Variants in ZNF516 observed in about 807,000 individuals in gnomAD.
ZNF516 encodes zinc finger protein 516.
In ZNF516, 19 loss-of-function variants were observed where a neutral mutation model predicts 79.7. The ratio of observed to expected loss-of-function variants is 0.24; its 90% confidence interval spans 0.17 to 0.35. ZNF516 has a LOEUF of 0.35. Among genes scored for constraint, ZNF516 ranks in the 10% least tolerant of loss-of-function variants. The pLI is 1.00. For missense variants in ZNF516, 1,678 were observed against 1,679.5 expected, an observed-to-expected ratio of 1.00 and a Z score of 0.02; for synonymous variants, 877 against 739.5, an observed-to-expected ratio of 1.19 and a Z score of -3.02.
At chr18:76,466,889 C>T (rs943384977) in intron 1 of ZNF516, among the ~76,000 whole-genome samples, 7 of 152,194 alleles carry the variant, frequency 4.6e-5, no homozygotes, top group South Asian at 2.1e-4. Flanking sequence ...GGTGATGCCA[C>T]GGGCGGTGAA....
chr18:76,479,683 G>T (rs1247831178), intron 1 of ZNF516, among the ~76,000 whole-genome samples: 1 of 152,238 alleles, frequency 6.6e-6, no homozygotes, highest in South Asian at 2.1e-4. Context: ...TGCACCAGTG[G>T]AGACCTGGGT....
intron 3 of ZNF516, among the ~76,000 whole-genome samples, chr18:76,384,000 A>G (rs2074937615): frequency 6.6e-6 from 1 of 152,214 alleles, no homozygotes; most frequent in East Asian, 1.9e-4. Flanking sequence ...CGTTACAGCC[A>G]GGTCAAAACA....
Position 76,483,345 on chromosome 18 carries a change from C to T in ZNF516, c.-272+11799G>A, listed in dbSNP as rs542128102. On this transcript the variant is annotated intron_variant, in intron 1 of 6. Transcript: ENST00000443185. ...AGCTCTCTGGGGTCCCCAACACCTC[C>T]TCTTTGTGGCCATCTTGTCCCCTGG... Among the ~76,000 whole-genome samples, 33 of 152,328 alleles carry T rather than the reference C, an allele frequency of 2.2e-4. No homozygotes were observed. The East Asian group carries it at 5.6e-3, about 26-fold the overall frequency.
chr18:76,429,093 C>T (rs2075630680), intron 3 of ZNF516, among the ~76,000 whole-genome samples: 2 of 152,214 alleles, frequency 1.3e-5, no homozygotes, highest in South Asian at 2.1e-4. Context: ...ATCAGCAGCA[C>T]CTGGTAGGGG....
chr18:76,378,800 G>T, intron 4 of ZNF516, 55 bp downstream of exon 4: 1 of 1,569,094 alleles, frequency 6.4e-7, no homozygotes, highest in Non-Finnish European at 8.6e-7. Flanking sequence ...GGCCCTCCGG[G>T]GGTGGTTCTG....
chr18:76,361,569 A>T lies in ZNF516; in HGVS notation c.*929T>A, dbSNP rs2074537858. On this transcript the variant is annotated 3_prime_UTR_variant, in exon 7 of 7. Coordinates refer to ENST00000443185, the MANE Select transcript of ZNF516 (RefSeq NM_014643.4). ...GCACCCTAGTCATCTAGGGCACCTGAACCTGCTCAGGGATTCTTCTGCCAT... is the reference window on the plus strand; with the variant it reads ...GCACCCTAGTCATCTAGGGCACCTGTACCTGCTCAGGGATTCTTCTGCCAT... 6.6e-6 allele frequency: 1 copy of T among 152,216 alleles called. No individual in the cohort carries two copies. The highest frequency in any genetic ancestry group is 2.4e-5 in the African/African-American group (1 of 41,440). The allele number at this position is 152,216 out of a possible 1,614,324, so 9.4% of individuals were successfully genotyped here.
At position 76,406,330 on chromosome 18, in the gene ZNF516, C is replaced by CCGAG. The variant is rs1453063522; in HGVS notation, c.1811-26031_1811-26028dup. 2.0e-5 allele frequency among the ~76,000 whole-genome samples: 3 copies of CCGAG among 152,284 alleles called. No homozygotes were observed. The East Asian group carries it at 5.8e-4, about 29-fold the overall frequency. On this transcript the variant is annotated intron_variant, in intron 3 of 6. Coordinates refer to ENST00000443185, the MANE Select transcript of ZNF516 (RefSeq NM_014643.4). The stretch of plus-strand genomic sequence containing the variant: ...CCTGTAATCTCAGAACTCTGGGAGG[C>CCGAG]CGAGACAGGAGGATCACGAGATCAG...
chr18:76,476,613 G>C (rs1416802627), intron 1 of ZNF516, among the ~76,000 whole-genome samples: 7 of 152,236 alleles, frequency 4.6e-5, no homozygotes, highest in African/African-American at 1.4e-4. Context: ...ATTAAACAGT[G>C]GTCAAATGAA....
chr18:76,418,155 A>T (rs1599056168), intron 3 of ZNF516, among the ~76,000 whole-genome samples: 1 of 152,126 alleles, frequency 6.6e-6, no homozygotes, highest in African/African-American at 2.4e-5. Flanking sequence ...TAACATACAC[A>T]GTAACACACT....
chr18:76,444,881 G>A (rs1262174043), intron 2 of ZNF516, among the ~76,000 whole-genome samples: 1 of 152,230 alleles, frequency 6.6e-6, no homozygotes, highest in Non-Finnish European at 1.5e-5. Context: ...GCGCCAGGTA[G>A]AAACCTTATC....
intron 3 of ZNF516, among the ~76,000 whole-genome samples, chr18:76,430,865 C>A (rs1031796476): frequency 2.0e-5 from 3 of 152,198 alleles, no homozygotes; most frequent in African/African-American, 7.2e-5. Context: ...TGTGAAAATA[C>A]TTCTTTCAAA....
chr18:76,371,973 G>A (rs2074715684), intron 4 of ZNF516, among the ~76,000 whole-genome samples: 1 of 152,172 alleles, frequency 6.6e-6, no homozygotes, highest in African/African-American at 2.4e-5. Context: ...GGAAGTGAGC[G>A]GGACCAGAGC....
intron 4 of ZNF516, among the ~76,000 whole-genome samples, chr18:76,376,423 C>T (rs573142170): frequency 6.6e-6 from 1 of 151,956 alleles, no homozygotes; most frequent in Non-Finnish European, 1.5e-5. Context: ...TGCTGACTCA[C>T]ACTATGTCTC....
rs1263371484 is a variant in ZNF516 at position 76,361,032 on chromosome 18, GCT to G, written c.*1464_*1465del. The G allele has an allele frequency of 2.0e-5, 3 of 151,566 alleles. No individual in the cohort carries two copies. Among genetic ancestry groups the G allele is most frequent in the African/African-American group, 7.3e-5 (3 of 41,204 alleles). The allele number at this position is 151,566 out of a possible 1,614,324, so 9.4% of individuals were successfully genotyped here. On this transcript the variant is annotated 3_prime_UTR_variant, in exon 7 of 7. Coordinates refer to ENST00000443185, the MANE Select transcript of ZNF516 (RefSeq NM_014643.4). ...TAATTTCTGTACATGTAAAATTATT[GCT>G]TTTTTGAAAAATATATTTAGCATGC...
At chr18:76,449,545 G>A (rs1180670273) in intron 2 of ZNF516, among the ~76,000 whole-genome samples, 4 of 152,338 alleles carry the variant, frequency 2.6e-5, no homozygotes, top group Middle Eastern at 3.4e-3. Flanking sequence ...GTGTGACCCT[G>A]AGCAAGTGTC....
At chr18:76,482,960 T>C (rs1914613140) in intron 1 of ZNF516, among the ~76,000 whole-genome samples, 1 of 152,154 alleles carries the variant, frequency 6.6e-6, no homozygotes, top group African/African-American at 2.4e-5. Flanking sequence ...ACCTAGTATA[T>C]AGGTTCGGGT....
chr18:76,444,507 C>T (rs940522188), intron 2 of ZNF516, among the ~76,000 whole-genome samples: 1 of 152,212 alleles, frequency 6.6e-6, no homozygotes, highest in African/African-American at 2.4e-5. Context: ...AAAGCAGCTC[C>T]ATATTTCCGG....
At chr18:76,433,340 G>A (rs1599080702) in intron 3 of ZNF516, among the ~76,000 whole-genome samples, 1 of 152,356 alleles carries the variant, frequency 6.6e-6, no homozygotes, top group East Asian at 1.9e-4. Flanking sequence ...TTCTCAGCGT[G>A]AGTCCTGCGG....
At chr18:76,423,217 T>C (rs991811718) in intron 3 of ZNF516, among the ~76,000 whole-genome samples, 11 of 152,160 alleles carry the variant, frequency 7.2e-5, no homozygotes, top group African/African-American at 2.7e-4. Context: ...GCCACAAGTT[T>C]TACAAGCTAG....
Sources: allele counts gnomAD v4.1 joint callset (sites outside exome capture counted in the v4.1 genomes callset), GRCh38; gene constraint gnomAD v4.1.1; transcripts MANE v1.5; gene names NCBI Gene and HGNC (gene_info 2026-07-23, HGNC 2026-07-21).